Variants in ERBB4 observed in about 807,000 individuals in gnomAD.
ERBB4 encodes the protein erb-b2 receptor tyrosine kinase 4.
ERBB4 carries 42 observed loss-of-function variants against 158.0 expected under a neutral mutation model. The observed-to-expected ratio is 0.27, with a 90% CI of 0.21 to 0.34. The LOEUF (loss-of-function observed/expected upper bound fraction) is 0.34, where lower values mean the gene tolerates loss of function less well. Ranked by LOEUF, ERBB4 falls within the 10% of genes least tolerant of loss-of-function variation. ERBB4 has a pLI of 1.00. For missense variants in ERBB4, 1,333 were observed against 1,624.1 expected (o/e 0.82, Z 3.08); for synonymous variants, 583 against 558.7 (o/e 1.04, Z -0.61).
intron 2 of ERBB4, among the ~76,000 whole-genome samples, chr2:212,112,447 A>AT (rs142223467): frequency 4.7e-4 from 69 of 147,564 alleles, no homozygotes; most frequent in African/African-American, 5.5e-4. Flanking sequence ...TTTTTATTTT[A>AT]TTTTTTTTTT....
At chr2:211,665,688 G>A (rs1470828518) in intron 14 of ERBB4, among the ~76,000 whole-genome samples, 1 of 152,136 alleles carries the variant, frequency 6.6e-6, no homozygotes, top group Non-Finnish European at 1.5e-5. Flanking sequence ...TTGATATCCT[G>A]TATGTGTGAA....
At chr2:212,026,014 G>T (rs995357715) in intron 2 of ERBB4, among the ~76,000 whole-genome samples, 1 of 151,602 alleles carries the variant, frequency 6.6e-6, no homozygotes, top group African/African-American at 2.4e-5. Flanking sequence ...AAGTCTCAAT[G>T]AGGACAAAAA....
chr2:211,441,468 TC>T, intron 20 of ERBB4, among the ~76,000 whole-genome samples: 1 of 152,138 alleles, frequency 6.6e-6, no homozygotes, highest in Non-Finnish European at 1.5e-5. Flanking sequence ...CACCTGTAGC[TC>T]CCTGCCTCTA....
At chr2:211,605,092 G>A (rs1388838972) in intron 19 of ERBB4, among the ~76,000 whole-genome samples, 6 of 152,082 alleles carry the variant, frequency 3.9e-5, no homozygotes, top group African/African-American at 9.7e-5. Flanking sequence ...GGAAGAAAAC[G>A]TATTCAACAC....
chr2:212,003,198 A>AAAGAAAGAAAGAAAGAAAGAAAGAAAGG (rs1559293620), intron 2 of ERBB4, among the ~76,000 whole-genome samples: 33 of 58,750 alleles, frequency 5.6e-4, no homozygotes, highest in East Asian at 2.8e-3. Flanking sequence ...AGAAAGAAAG[A>AAAGAAAGAAAGAAAGAAAGAAAGAAAGG]AAGAAAGACA....
At chr2:211,487,950 C>A (rs2065247616) in intron 20 of ERBB4, among the ~76,000 whole-genome samples, 1 of 151,994 alleles carries the variant, frequency 6.6e-6, no homozygotes, top group Non-Finnish European at 1.5e-5. Context: ...CTCTGCTGAG[C>A]CTTCAGTAAT....
intron 16 of ERBB4, chr2:211,657,541 T>C: frequency 1.8e-6 from 1 of 553,856 alleles, no homozygotes; most frequent in Non-Finnish European, 3.2e-6. Context: ...ATGGTGTTAC[T>C]AACTGGGACT....
At chr2:211,884,458 A>G (rs536569165) in intron 3 of ERBB4, among the ~76,000 whole-genome samples, 17 of 152,178 alleles carry the variant, frequency 1.1e-4, no homozygotes, top group African/African-American at 3.9e-4. Flanking sequence ...CTCTATCATC[A>G]TATATGAATT....
chr2:211,724,348 CTTTTT>C lies in ERBB4; in HGVS notation c.741+723_741+727del, dbSNP rs560874073. Among the ~76,000 whole-genome samples the C allele has an allele frequency of 8.7e-5, 12 of 137,708 alleles. No individual in the cohort carries two copies. The South Asian group carries it at 2.7e-3, about 31-fold the overall frequency. 90.3% of individuals were successfully genotyped at this position (137,708 alleles called of 152,430 possible). The stretch of plus-strand genomic sequence containing the variant: ...CTCATTGCTGGAATTAAGTGTCTTT[CTTTTT>C]TTTTTTTTAAAAAAAGCTCAATTCT... On this transcript the variant is annotated intron_variant, in intron 6 of 27. Coordinates refer to ENST00000342788, the MANE Select transcript of ERBB4 (RefSeq NM_005235.3).
intron 2 of ERBB4, among the ~76,000 whole-genome samples, chr2:212,085,291 C>T (rs1030197315): frequency 3.3e-5 from 5 of 151,810 alleles, no homozygotes; most frequent in African/African-American, 1.2e-4. Context: ...CAGAGTGTAA[C>T]ATTAATGAAA....
chr2:211,434,310 G>T (rs1007304103), intron 20 of ERBB4, among the ~76,000 whole-genome samples: 2 of 152,160 alleles, frequency 1.3e-5, no homozygotes, highest in African/African-American at 4.8e-5. Context: ...AGCCCCCAAA[G>T]TGATGGTGTT....
At chr2:211,740,048 T>C (rs1200562970) in intron 5 of ERBB4, among the ~76,000 whole-genome samples, 1 of 152,182 alleles carries the variant, frequency 6.6e-6, no homozygotes, top group Non-Finnish European at 1.5e-5. Context: ...CTCTGTTTTC[T>C]AGTCAATGAA....
intron 4 of ERBB4, 61 bp from the exon 5 acceptor site, chr2:211,750,765 G>GAGT: frequency 7.2e-7 from 1 of 1,384,926 alleles, no homozygotes; most frequent in African/African-American, 1.4e-5. Flanking sequence ...CCTTGACTAG[G>GAGT]AGTAACTCCT....
intron 4 of ERBB4, among the ~76,000 whole-genome samples, chr2:211,771,271 C>A: frequency 6.6e-6 from 1 of 152,126 alleles, no homozygotes; most frequent in East Asian, 1.9e-4. Flanking sequence ...CTAGACCATG[C>A]TACACAACAT....
At chr2:212,496,869 AT>A (rs1349093516) in intron 1 of ERBB4, among the ~76,000 whole-genome samples, 1 of 151,984 alleles carries the variant, frequency 6.6e-6, no homozygotes, top group East Asian at 1.9e-4. Flanking sequence ...TCAATACTTT[AT>A]TTGCTTTTTA....
intron 1 of ERBB4, among the ~76,000 whole-genome samples, chr2:212,168,210 T>G (rs961487995): frequency 3.3e-5 from 5 of 152,122 alleles, no homozygotes; most frequent in Non-Finnish European, 5.9e-5. Context: ...AATCTTTCCT[T>G]TTTGCATTCC....
intron 2 of ERBB4, among the ~76,000 whole-genome samples, chr2:212,060,928 G>A (rs1057177567): frequency 3.3e-5 from 5 of 150,088 alleles, no homozygotes; most frequent in Non-Finnish European, 7.4e-5. Context: ...CCTGTACATT[G>A]TGCACACGTA....
At chr2:212,520,420 C>G (rs1384295) in intron 1 of ERBB4, among the ~76,000 whole-genome samples, 1 of 151,560 alleles carries the variant, frequency 6.6e-6, no homozygotes, top group South Asian at 2.1e-4. Context: ...ATAAAAATTT[C>G]GGTAATTCAA....
chr2:211,883,962 T>C (rs2078729887), intron 3 of ERBB4, among the ~76,000 whole-genome samples: 1 of 152,172 alleles, frequency 6.6e-6, no homozygotes, highest in South Asian at 2.1e-4. Flanking sequence ...AGGCCACTAA[T>C]TCAAATTTTA....
Sources: allele counts gnomAD v4.1 joint callset (sites outside exome capture counted in the v4.1 genomes callset), GRCh38; gene constraint gnomAD v4.1.1; transcripts MANE v1.5; gene names NCBI Gene and HGNC (gene_info 2026-07-23, HGNC 2026-07-21).